The following SOD3 variants were observed in gnomAD, a reference collection of about 807,000 sequenced individuals.
SOD3 encodes extracellular superoxide dismutase [Cu-Zn].
SOD3 carries 3 observed loss-of-function variants against 2.6 expected under a neutral mutation model. The ratio of observed to expected loss-of-function variants is 1.13; its 90% CI spans 0.52 to 2.93. The LOEUF (loss-of-function observed/expected upper bound fraction) is 2.93, where lower values mean the gene tolerates loss of function less well. Among genes scored for constraint, SOD3 ranks in the 30% most tolerant of loss-of-function variants. The pLI, the probability that SOD3 is intolerant of heterozygous loss-of-function variation, is 0.04. For synonymous variants in SOD3, 188 were observed against 177.5 expected (o/e 1.06, Z -0.47); for missense variants, 379 against 370.4 (o/e 1.02, Z -0.19).
chr4:24,799,009 T>C (rs1021977436), intron 1 of SOD3, among the ~76,000 whole-genome samples: 1 of 152,142 alleles, frequency 6.6e-6, no homozygotes, highest in African/African-American at 2.4e-5. Flanking sequence ...TTCAAGAAGC[T>C]CCAAGTCTAC....
In SOD3 at chr4:24,800,238, C is replaced by G; in HGVS notation, c.717C>G (p.Ala239=). The change falls in exon 2 of 2, where the codon GCC becomes GCG. Residue 239 remains alanine, a synonymous_variant. Transcript: ENST00000382120. ...GGCGGCGCGAGAGCGAGTGCAAGGCCGCCTGAGCGCGGCCCCCACCCGGCG... is the reference window on the plus strand; with the variant it reads ...GGCGGCGCGAGAGCGAGTGCAAGGCGGCCTGAGCGCGGCCCCCACCCGGCG... The part of the protein sequence containing the change: ...KKRRRESECK[A]A 1 of 1,399,394 alleles carries G rather than the reference C, an allele frequency of 7.1e-7. No homozygotes were observed. Among genetic ancestry groups the G allele is most frequent in the Non-Finnish European group, 9.2e-7 (1 of 1,081,958 alleles). The allele number at this position is 1,399,394 out of a possible 1,614,324, so 86.7% of individuals were successfully genotyped here.
rs769922248 is a variant in SOD3 at position 24,799,587 on chromosome 4, G to GGACTCGGCGGAGCCCAACTCT, written c.79_99dup (p.Pro27_Glu33dup). 5.6e-6 allele frequency: 9 copies of GGACTCGGCGGAGCCCAACTCT among 1,603,300 alleles called. No homozygotes were observed. Among genetic ancestry groups the GGACTCGGCGGAGCCCAACTCT allele is most frequent in the South Asian group, 5.5e-5 (5 of 90,208 alleles). ...GTGCCTCGGACGCCTGGACGGGCGA[G>GGACTCGGCGGAGCCCAACTCT]GACTCGGCGGAGCCCAACTCTGACT... On this transcript the variant is annotated inframe_insertion, in exon 2 of 2. Transcript: ENST00000382120.
At chr4:24,795,934 C>A (rs1303980189) in intron 1 of SOD3, among the ~76,000 whole-genome samples, 3 of 152,052 alleles carry the variant, frequency 2.0e-5, no homozygotes, top group Admixed American at 2.0e-4. Flanking sequence ...AGAAAGGGGG[C>A]CTTTCTAGAT....
rs1171518019 is a variant in SOD3 at position 24,800,413 on chromosome 4, ATCCT to A, written c.*173_*176del. The A allele has an allele frequency of 1.6e-6, 1 of 610,330 alleles. No homozygotes were observed. The highest frequency in any genetic ancestry group is 2.5e-6 in the Non-Finnish European group (1 of 405,534). The allele number at this position is 610,330 out of a possible 1,614,324, so 37.8% of individuals were successfully genotyped here. ...AGGTCTCCCTATACCGAGACCCACCATCCTTCCATCCTGAGGACCGCCCCAACCC... is the reference window on the plus strand; with the variant it reads ...AGGTCTCCCTATACCGAGACCCACCATCCATCCTGAGGACCGCCCCAACCC... On this transcript the variant is annotated 3_prime_UTR_variant, in exon 2 of 2. Coordinates refer to ENST00000382120, the MANE Select transcript of SOD3 (RefSeq NM_003102.4).
chr4:24,797,138 T>C (rs1455972430), intron 1 of SOD3, among the ~76,000 whole-genome samples: 1 of 148,934 alleles, frequency 6.7e-6, no homozygotes, highest in Admixed American at 6.8e-5. Flanking sequence ...GTCCATAGCA[T>C]CTCTTAGCTA....
Position 24,799,504 on chromosome 4 carries a change from A to T in SOD3, c.-16-2A>T, listed in dbSNP as rs1294417286. The T allele has an allele frequency of 4.4e-6, 7 of 1,596,424 alleles. No homozygotes were observed. Among genetic ancestry groups the T allele is most frequent in the Non-Finnish European group, 5.9e-6 (7 of 1,178,418 alleles). ...CCCCACCTCCGCGGGGGCGTCCCGC[A>T]GGTGCCCGACTCCAGCCATGCTGGC... On this transcript the variant is annotated splice_acceptor_variant, in intron 1 of 1. Transcript: ENST00000382120. LOFTEE classifies it low-confidence loss of function (5UTR_SPLICE).
Position 24,799,627 on chromosome 4 carries a change from C to A in SOD3, c.106C>A (p.Arg36=), listed in dbSNP as rs953258602. 6.2e-7 allele frequency: 1 copy of A among 1,604,972 alleles called. No homozygotes were observed. Among genetic ancestry groups the A allele is most frequent in the African/African-American group, 1.3e-5 (1 of 74,950 alleles). ...EPNSDSAEWI[R]DMYAKVTEIW... The stretch of plus-strand genomic sequence containing the variant: ...CAACTCTGACTCGGCGGAGTGGATC[C>A]GAGACATGTACGCCAAGGTCACGGA... The change falls in exon 2 of 2, where the codon CGA becomes AGA. Residue 36 remains arginine, a synonymous_variant. Coordinates refer to ENST00000382120, the MANE Select transcript of SOD3 (RefSeq NM_003102.4).
At chr4:24,796,435 CTTTTTTTTTTTT>C (rs34368349) in intron 1 of SOD3, among the ~76,000 whole-genome samples, 3 of 71,938 alleles carry the variant, frequency 4.2e-5, no homozygotes, top group East Asian at 5.7e-4. Context: ...TCCTTCTTCT[CTTTTTTTTTTTT>C]TTTTTTTTTT....
Position 24,799,580 on chromosome 4 carries a change from C to A in SOD3, c.59C>A (p.Thr20Lys). 1 of 1,602,986 alleles carries A rather than the reference C, an allele frequency of 6.2e-7. No individual in the cohort carries two copies. The change falls in exon 2 of 2, where the codon ACG (threonine) becomes AAG (lysine). Residue 20 changes from threonine (T) to lysine (K), a missense_variant. Physicochemically the swap from Thr to Lys is moderately conservative, Grantham distance 78. Coordinates refer to ENST00000382120, the MANE Select transcript of SOD3 (RefSeq NM_003102.4). ...GCAGCCGGTGCCTCGGACGCCTGGA[C>A]GGGCGAGGACTCGGCGGAGCCCAAC... ...LLAAGASDAW[T>K]GEDSAEPNSD... is the part of the protein sequence containing the mutation.
At position 24,799,784 on chromosome 4, in the gene SOD3, C is replaced by T. The variant is rs540249802; in HGVS notation, c.263C>T (p.Ala88Val). The T allele has an allele frequency of 1.3e-6, 2 of 1,580,462 alleles. No individual in the cohort carries two copies. The highest frequency in any genetic ancestry group is 1.8e-5 in the Admixed American group (1 of 56,610). The change falls in exon 2 of 2, where the codon GCG becomes GTG. Residue 88 changes from alanine (A) to valine (V), a missense_variant. Transcript: ENST00000382120. The stretch of plus-strand genomic sequence containing the variant: ...GGCGTCGTCCTCTTCCGGCAGCTTG[C>T]GCCCCGCGCCAAGCTCGACGCCTTC... Reference protein sequence around the residue: ...VTGVVLFRQLAPRAKLDAFFA... With the variant: ...VTGVVLFRQLVPRAKLDAFFA...
chr4:24,799,929 C>T lies in SOD3; in HGVS notation c.408C>T (p.Ala136=). The change falls in exon 2 of 2, where the codon GCC becomes GCT. Residue 136 remains alanine (A), a synonymous_variant. Transcript: ENST00000382120. ...CCGGGCCCCACTACAACCCGCTGGC[C>T]GTGCCGCACCCGCAGCACCCGGGCG... The part of the protein sequence containing the change: ...ESTGPHYNPL[A]VPHPQHPGDF... The T allele has an allele frequency of 6.3e-7, 1 of 1,596,896 alleles. No individual in the cohort carries two copies. Among genetic ancestry groups the T allele is most frequent in the Non-Finnish European group, 8.5e-7 (1 of 1,177,856 alleles).
intron 1 of SOD3, among the ~76,000 whole-genome samples, chr4:24,798,672 T>G (rs933838936): frequency 6.6e-6 from 1 of 152,132 alleles, no homozygotes; most frequent in African/African-American, 2.4e-5. Flanking sequence ...CACCCACTTT[T>G]CTTCTTAAAA....
rs979851185 is a variant in SOD3, at chr4:24,798,667, A to G, written c.-16-839A>G. ...GGAACTAAAGACTATCTCATCACCC[A>G]CTTTTCTTCTTAAAAACTTCCACTG... On this transcript the variant is annotated intron_variant, in intron 1 of 1. Coordinates refer to ENST00000382120, the MANE Select transcript of SOD3 (RefSeq NM_003102.4). Among the ~76,000 whole-genome samples the G allele has an allele frequency of 2.0e-5, 3 of 151,876 alleles. No individual in the cohort carries two copies. The East Asian group carries it at 5.8e-4, about 29-fold the overall frequency.
At position 24,799,361 on chromosome 4, in the gene SOD3, G is replaced by C. The variant is rs544324893; in HGVS notation, c.-16-145G>C. ...GGCACACAGCAGGCCCTAGACAAAC[G>C]TTTGCCACATGAAGTCATGCCCACT... On this transcript the variant is annotated intron_variant, in intron 1 of 1. Coordinates refer to ENST00000382120, the MANE Select transcript of SOD3 (RefSeq NM_003102.4). 72 of 925,054 alleles carry C rather than the reference G, an allele frequency of 7.8e-5. No individual in the cohort carries two copies. The East Asian group carries it at 1.9e-3, about 24-fold the overall frequency. The allele number at this position is 925,054 out of a possible 1,614,324, so 57.3% of individuals were successfully genotyped here.
intron 1 of SOD3, among the ~76,000 whole-genome samples, chr4:24,796,639 T>TTTC (rs2109069539): frequency 7.0e-6 from 1 of 143,676 alleles, no homozygotes; most frequent in South Asian, 2.2e-4. Flanking sequence ...TTTTTTTTTT[T>TTTC]TGCTAGAGAT....
chr4:24,799,984 A>G lies in SOD3; in HGVS notation c.463A>G (p.Ser155Gly). ...CGGCAACTTCGCGGTCCGCGACGGC[A>G]GCCTCTGGAGGTACCGCGCCGGCCT... ...DFGNFAVRDG[S>G]LWRYRAGLAA... The change falls in exon 2 of 2, where the codon AGC becomes GGC. Residue 155 changes from serine to glycine, a missense_variant. By Grantham distance (56) the Ser-to-Gly change is moderately conservative (BLOSUM62 0). Transcript: ENST00000382120. 6.3e-7 allele frequency: 1 copy of G among 1,580,954 alleles called. No individual in the cohort carries two copies. The highest frequency in any genetic ancestry group is 8.5e-7 in the Non-Finnish European group (1 of 1,171,932).
At position 24,800,067 on chromosome 4, in the gene SOD3, T is replaced by C; in HGVS notation, c.546T>C (p.Ala182=). The C allele has an allele frequency of 7.0e-7, 1 of 1,436,314 alleles. No homozygotes were observed. The highest frequency in any genetic ancestry group is 9.0e-7 in the Non-Finnish European group (1 of 1,106,470). The allele number at this position is 1,436,314 out of a possible 1,614,324, so 89.0% of individuals were successfully genotyped here. ...SIVGRAVVVH[A]GEDDLGRGGN... Reference sequence around the variant, plus strand: ...TGGGCCGGGCCGTGGTCGTCCACGCTGGCGAGGACGACCTGGGCCGCGGCG... The same window carrying C: ...TGGGCCGGGCCGTGGTCGTCCACGCCGGCGAGGACGACCTGGGCCGCGGCG... Residue 182 remains alanine, a synonymous_variant, in exon 2 of 2, where the codon GCT becomes GCC. Transcript: ENST00000382120.
At chr4:24,797,095 T>C (rs1200043526) in intron 1 of SOD3, among the ~76,000 whole-genome samples, 2 of 152,252 alleles carry the variant, frequency 1.3e-5, no homozygotes, top group Non-Finnish European at 1.5e-5. Flanking sequence ...ATCCTCCTTC[T>C]TGGAGCCTTT....
Position 24,799,616 on chromosome 4 carries a change from C to T in SOD3, c.95C>T (p.Ala32Val), listed in dbSNP as rs535844689. 1.2e-6 allele frequency: 2 copies of T among 1,604,428 alleles called. No individual in the cohort carries two copies. The highest frequency in any genetic ancestry group is 1.3e-5 in the African/African-American group (1 of 74,972). The change falls in exon 2 of 2, where the codon GCG becomes GTG. Residue 32 changes from alanine to valine, a missense_variant. Ala to Val is a moderately conservative substitution (Grantham distance 64). Transcript: ENST00000382120. ...TCGGCGGAGCCCAACTCTGACTCGG[C>T]GGAGTGGATCCGAGACATGTACGCC... ...EDSAEPNSDS[A>V]EWIRDMYAKV...
Sources: gnomAD v4.1 joint callset for allele counts (sites outside exome capture counted in the v4.1 genomes callset) on GRCh38, gnomAD v4.1.1 for gene constraint, MANE v1.5 for transcripts, NCBI Gene and HGNC (gene_info 2026-07-23, HGNC 2026-07-21) for gene names.